Variants in AGK observed in about 807,000 individuals in gnomAD.
AGK encodes the protein acylglycerol kinase.
A neutral mutation model predicts 66.4 loss-of-function variants in AGK; 52 were observed. The observed-to-expected ratio is 0.78, with a 90% CI of 0.63 to 0.99. The LOEUF (loss-of-function observed/expected upper bound fraction) is 0.99. Among genes scored for constraint, AGK ranks in the 50% least tolerant of loss-of-function variants. The pLI is 0.00. For synonymous variants in AGK, 182 were observed against 181.1 expected, an observed-to-expected ratio of 1.00 and a Z score of -0.04; for missense variants, 451 against 506.6, an observed-to-expected ratio of 0.89 and a Z score of 1.05.
intron 13 of AGK, among the ~76,000 whole-genome samples, chr7:141,642,856 A>G (rs774493438): frequency 6.6e-6 from 1 of 152,204 alleles, no homozygotes; most frequent in Non-Finnish European, 1.5e-5. Context: ...GACAGATTGT[A>G]TGGCCCAAAG....
intron 9 of AGK, among the ~76,000 whole-genome samples, chr7:141,623,146 G>A (rs751930124): frequency 6.6e-5 from 10 of 152,130 alleles, no homozygotes; most frequent in African/African-American, 1.4e-4. Context: ...TTGGGAGGCC[G>A]AGGTGGGTGG....
At chr7:141,647,373 C>T (rs1316956570) in intron 13 of AGK, among the ~76,000 whole-genome samples, 1 of 152,192 alleles carries the variant, frequency 6.6e-6, no homozygotes, top group Non-Finnish European at 1.5e-5. Context: ...CTCCTCTCTT[C>T]CCTGTCTTCC....
intron 2 of AGK, among the ~76,000 whole-genome samples, chr7:141,585,310 A>G (rs1795973723): frequency 6.6e-6 from 1 of 152,138 alleles, no homozygotes; most frequent in South Asian, 2.1e-4. Flanking sequence ...GGGGAGGGCT[A>G]TGCAATATAT....
intron 9 of AGK, among the ~76,000 whole-genome samples, chr7:141,628,665 G>C (rs1440443431): frequency 1.3e-5 from 2 of 152,182 alleles, no homozygotes; most frequent in Admixed American, 1.3e-4. Context: ...GGAAGTCGAG[G>C]TGAGATTCGT....
At chr7:141,605,868 A>G (rs1404435043) in intron 5 of AGK, among the ~76,000 whole-genome samples, 1 of 152,218 alleles carries the variant, frequency 6.6e-6, no homozygotes, top group Non-Finnish European at 1.5e-5. Flanking sequence ...AAGCTCCAAG[A>G]CAACCTATTT....
At chr7:141,569,997 G>A (rs1248011340) in intron 2 of AGK, among the ~76,000 whole-genome samples, 11 of 152,186 alleles carry the variant, frequency 7.2e-5, no homozygotes, top group African/African-American at 2.2e-4. Flanking sequence ...CGTTGGGCAA[G>A]TTATTTAACT....
At chr7:141,562,818 C>T (rs902602415) in intron 2 of AGK, among the ~76,000 whole-genome samples, 4 of 152,230 alleles carry the variant, frequency 2.6e-5, no homozygotes, top group African/African-American at 4.8e-5. Context: ...CCATGCTTCT[C>T]GCTGTCTGCT....
chr7:141,552,391 C>CT (rs781604076), intron 1 of AGK, among the ~76,000 whole-genome samples: 22 of 152,192 alleles, frequency 1.4e-4, no homozygotes, highest in Non-Finnish European at 2.8e-4. Flanking sequence ...TCCTTTATCT[C>CT]TAAACCACTG....
Position 141,621,697 on chromosome 7 carries a change from T to G in AGK, c.519-35T>G, listed in dbSNP as rs753290543. 3.3e-6 allele frequency: 5 copies of G among 1,526,744 alleles called. No homozygotes were observed. In the South Asian group the frequency reaches 5.6e-5, roughly 17 times the overall value. 94.6% of individuals were successfully genotyped at this position (1,526,744 alleles called of 1,614,324 possible). On this transcript the variant is annotated intron_variant, in intron 8 of 15. Coordinates refer to ENST00000649286, the MANE Select transcript of AGK (RefSeq NM_018238.4). The stretch of plus-strand genomic sequence containing the variant: ...GTGTGGTGGGGGAGATGTTGCCTAT[T>G]TTTCATAATATGATCATTTCCTTTT...
At chr7:141,587,130 C>T (rs572381967) in intron 2 of AGK, among the ~76,000 whole-genome samples, 1 of 152,340 alleles carries the variant, frequency 6.6e-6, no homozygotes, top group South Asian at 2.1e-4. Flanking sequence ...TACTGCCTTC[C>T]AGCAATTGCT....
At chr7:141,619,184 T>A (rs1382891919) in intron 8 of AGK, among the ~76,000 whole-genome samples, 1 of 152,084 alleles carries the variant, frequency 6.6e-6, no homozygotes, top group Non-Finnish European at 1.5e-5. Context: ...TTTGTAGAAA[T>A]TGAAAAATTG....
chr7:141,607,559 C>T (rs917868021), intron 5 of AGK, among the ~76,000 whole-genome samples: 1 of 151,982 alleles, frequency 6.6e-6, no homozygotes, highest in African/African-American at 2.4e-5. Flanking sequence ...ATGCATTTTG[C>T]ATATATTCTT....
At chr7:141,641,173 T>A in intron 11 of AGK, 75 bp from the exon 12 acceptor site, 1 of 1,400,214 alleles carries the variant, frequency 7.1e-7, no homozygotes, top group Non-Finnish European at 9.8e-7. Flanking sequence ...GACAAATAAA[T>A]AACTTTTGCA....
intron 2 of AGK, among the ~76,000 whole-genome samples, chr7:141,574,566 G>A (rs1795690708): frequency 6.6e-6 from 1 of 152,170 alleles, no homozygotes; most frequent in Non-Finnish European, 1.5e-5. Flanking sequence ...TAGAATGAGG[G>A]GATAAACTGC....
intron 2 of AGK, among the ~76,000 whole-genome samples, chr7:141,556,035 A>T (rs1321614214): frequency 1.3e-5 from 2 of 152,208 alleles, no homozygotes; most frequent in Non-Finnish European, 1.5e-5. Flanking sequence ...GGGAGATATG[A>T]CACATCAATC....
chr7:141,551,478 T>A (rs888264169), intron 1 of AGK, 44 bp downstream of exon 1: 2 of 153,096 alleles, frequency 1.3e-5, no homozygotes, highest in African/African-American at 2.4e-5. Context: ...TGCGGGTCGC[T>A]GGGACTGAGC....
intron 2 of AGK, among the ~76,000 whole-genome samples, chr7:141,575,881 G>A (rs937762758): frequency 1.1e-4 from 17 of 151,986 alleles, no homozygotes; most frequent in African/African-American, 4.1e-4. Context: ...CTGCTGGGAG[G>A]ATTGACTTTA....
chr7:141,623,378 TCAAAAAAAAAAAAAGA>T (rs1227019333), intron 9 of AGK, among the ~76,000 whole-genome samples: 4 of 85,658 alleles, frequency 4.7e-5, no homozygotes, highest in Non-Finnish European at 9.0e-5. Flanking sequence ...AAACTTTTTC[TCAAAAAAAAAAAAAGA>T]AAAAAAAAAG....
At chr7:141,634,083 G>T in intron 10 of AGK, 103 bp downstream of exon 10, 2 of 1,029,738 alleles carry the variant, frequency 1.9e-6, no homozygotes, top group Non-Finnish European at 3.0e-6. Context: ...AATAAATTTG[G>T]TGGGCCTGGA....
Sources: gnomAD v4.1 joint callset for allele counts (sites outside exome capture counted in the v4.1 genomes callset) on GRCh38, gnomAD v4.1.1 for gene constraint, MANE v1.5 for transcripts, NCBI Gene and HGNC (gene_info 2026-07-23, HGNC 2026-07-21) for gene names.